Variants in NRCAM observed in about 807,000 individuals in gnomAD.
NRCAM encodes neuronal cell adhesion molecule, also known as NgCAM-related cell adhesion molecule.
Under a neutral mutation model 156.5 loss-of-function variants are expected in NRCAM, and 83 were observed. The ratio of observed to expected loss-of-function variants is 0.53; its 90% CI spans 0.44 to 0.64. The LOEUF (loss-of-function observed/expected upper bound fraction) is 0.64. Among genes scored for constraint, NRCAM ranks in the 30% least tolerant of loss-of-function variants. The pLI, the probability that NRCAM is intolerant of heterozygous loss-of-function variation, is 0.00. For missense variants in NRCAM, 1,417 were observed against 1,597.3 expected (o/e 0.89, Z 1.92); for synonymous variants, 538 against 563.9 (o/e 0.95, Z 0.65).
rs1233712833 is a variant in NRCAM, at chr7:108,239,844, G to C, written c.106+115C>G. 6 of 609,700 alleles carry C rather than the reference G, an allele frequency of 9.8e-6. No individual in the cohort carries two copies. In the East Asian group the frequency reaches 1.1e-4, roughly 12 times the overall value. The allele number at this position is 609,700 out of a possible 1,614,324, so 37.8% of individuals were successfully genotyped here. On this transcript the variant is annotated intron_variant, in intron 4 of 32. Coordinates refer to ENST00000379028, the MANE Select transcript of NRCAM (RefSeq NM_001037132.4). ...TGAAGGTAAAAGCCAAATTAATTTT[G>C]ATTAGCTTTTCAGTATCACACAGAC...
chr7:108,408,081 A>T lies in NRCAM; in HGVS notation c.-331-8488T>A, dbSNP rs188128681. Among the ~76,000 whole-genome samples the T allele has an allele frequency of 2.6e-3, 402 of 152,360 alleles. 3 individuals carry two copies. The highest frequency in any genetic ancestry group is 9.3e-3 in the African/African-American group (386 of 41,586). On this transcript the variant is annotated intron_variant, in intron 1 of 32. Transcript: ENST00000379028. ...TAAAGAAGTGATTTTATCATTTTCA[A>T]CTACAAACAATAACAGATTTGTTTT...
intron 1 of NRCAM, among the ~76,000 whole-genome samples, chr7:108,433,846 T>C (rs1032746285): frequency 1.3e-5 from 2 of 152,236 alleles, no homozygotes; most frequent in African/African-American, 4.8e-5. Context: ...GCCTCAAGTA[T>C]TCCTTTGTAG....
intron 20 of NRCAM, among the ~76,000 whole-genome samples, 185 bp downstream of exon 20, chr7:108,189,460 A>C (rs928212250): frequency 1.3e-5 from 2 of 152,224 alleles, no homozygotes; most frequent in Non-Finnish European, 2.9e-5. Flanking sequence ...CTATTCTAGA[A>C]GGTGTAACCA....
chr7:108,266,901 T>C (rs2097127371), intron 3 of NRCAM, among the ~76,000 whole-genome samples: 1 of 113,300 alleles, frequency 8.8e-6, no homozygotes, highest in Non-Finnish European at 1.9e-5. Flanking sequence ...TCTAAGATTT[T>C]ACCCCGCTAA....
chr7:108,350,541 C>A (rs2154292519), intron 2 of NRCAM, among the ~76,000 whole-genome samples: 1 of 152,312 alleles, frequency 6.6e-6, no homozygotes, highest in East Asian at 1.9e-4. Context: ...ACATTCTAAA[C>A]CACCTCCCGA....
intron 3 of NRCAM, among the ~76,000 whole-genome samples, chr7:108,273,635 G>T (rs536174226): frequency 2.0e-5 from 3 of 152,230 alleles, no homozygotes; most frequent in Admixed American, 2.0e-4. Context: ...GTAGATTCTG[G>T]ATATTAGCCC....
chr7:108,236,288 G>A (rs2094984433), intron 5 of NRCAM, among the ~76,000 whole-genome samples: 1 of 152,124 alleles, frequency 6.6e-6, no homozygotes, highest in South Asian at 2.1e-4. Context: ...TCAAATAACA[G>A]CTAAAGTACA....
rs774062367 is a variant in NRCAM, at chr7:108,176,420, C to T, written c.3151+10G>A. 6.2e-7 allele frequency: 1 copy of T among 1,605,432 alleles called. No homozygotes were observed. The highest frequency in any genetic ancestry group is 1.1e-5 in the South Asian group (1 of 90,812). On this transcript the variant is annotated intron_variant, in intron 27 of 32. Coordinates refer to ENST00000379028, the MANE Select transcript of NRCAM (RefSeq NM_001037132.4). ...TATAATTATATGGATTTTATACATA[C>T]CCATCTTACCTTCATCCACAGTTGT...
chr7:108,272,175 T>C (rs1429078795), intron 3 of NRCAM, among the ~76,000 whole-genome samples: 1 of 152,250 alleles, frequency 6.6e-6, no homozygotes, highest in Non-Finnish European at 1.5e-5. Context: ...GTGAGTATTA[T>C]CTTCTTGAAG....
At chr7:108,424,093 G>A (rs963952653) in intron 1 of NRCAM, among the ~76,000 whole-genome samples, 2 of 152,136 alleles carry the variant, frequency 1.3e-5, no homozygotes, top group Admixed American at 6.5e-5. Context: ...TGAGCCCACC[G>A]ACCTTGGATT....
At chr7:108,181,107 T>C (rs1760125042) in intron 24 of NRCAM, among the ~76,000 whole-genome samples, 1 of 152,224 alleles carries the variant, frequency 6.6e-6, no homozygotes. Flanking sequence ...CCAGAATTGT[T>C]GTTTACTAAG....
chr7:108,173,278 G>A (rs1266249623), intron 28 of NRCAM, among the ~76,000 whole-genome samples: 6 of 151,982 alleles, frequency 3.9e-5, no homozygotes, highest in African/African-American at 7.2e-5. Context: ...GAGCCACCAC[G>A]CCCGGCCATA....
At chr7:108,168,515 A>G (rs2056372388) in intron 28 of NRCAM, 113 bp from the exon 29 acceptor site, 6 of 1,034,958 alleles carry the variant, frequency 5.8e-6, no homozygotes, top group South Asian at 3.5e-5. Flanking sequence ...AATAGAATTT[A>G]CTGCTAAAAT....
At chr7:108,316,316 C>A (rs1437208661) in intron 2 of NRCAM, among the ~76,000 whole-genome samples, 1 of 152,192 alleles carries the variant, frequency 6.6e-6, no homozygotes, top group Non-Finnish European at 1.5e-5. Context: ...AAGGCCCTCA[C>A]CAGATGCAGG....
intron 2 of NRCAM, among the ~76,000 whole-genome samples, chr7:108,379,353 G>C (rs1415062820): frequency 6.6e-6 from 1 of 152,102 alleles, no homozygotes; most frequent in Admixed American, 6.6e-5. Context: ...GATAAGCCTC[G>C]ACTTTGCTAA....
chr7:108,241,258 A>G (rs974674398), intron 3 of NRCAM, among the ~76,000 whole-genome samples: 1 of 152,204 alleles, frequency 6.6e-6, no homozygotes, highest in Non-Finnish European at 1.5e-5. Flanking sequence ...TCATCTTTGT[A>G]GCCCTCTCCC....
At chr7:108,232,097 A>G (rs577841084) in intron 7 of NRCAM, among the ~76,000 whole-genome samples, 1 of 152,186 alleles carries the variant, frequency 6.6e-6, no homozygotes, top group African/African-American at 2.4e-5. Context: ...TTTAACCCCA[A>G]TGTCTTACAC....
At chr7:108,251,304 T>C (rs1205067304) in intron 3 of NRCAM, among the ~76,000 whole-genome samples, 2 of 152,228 alleles carry the variant, frequency 1.3e-5, no homozygotes, top group African/African-American at 2.4e-5. Flanking sequence ...TCATTTTTCT[T>C]CAGAAATTGT....
chr7:108,408,417 T>G (rs1480698092), intron 1 of NRCAM, among the ~76,000 whole-genome samples: 5 of 152,246 alleles, frequency 3.3e-5, no homozygotes, highest in African/African-American at 4.8e-5. Context: ...TGAGTGCCAT[T>G]CAAATCCAGG....
Sources: allele counts gnomAD v4.1 joint callset (sites outside exome capture counted in the v4.1 genomes callset), GRCh38; gene constraint gnomAD v4.1.1; transcripts MANE v1.5; gene names NCBI Gene and HGNC (gene_info 2026-07-23, HGNC 2026-07-21).